The following RGS7 variants were observed in gnomAD, a reference collection of about 807,000 sequenced individuals.
RGS7 encodes regulator of G protein signaling 7, also known as regulator of G-protein signaling 7.
In RGS7, 27 loss-of-function variants were observed where a neutral mutation model predicts 81.1. That is an observed-to-expected ratio of 0.33 (90% CI 0.25 to 0.46). The LOEUF (loss-of-function observed/expected upper bound fraction) is 0.46, where lower values mean the gene tolerates loss of function less well. Among genes scored for constraint, RGS7 ranks in the 20% least tolerant of loss-of-function variants. The pLI, the probability that RGS7 is intolerant of heterozygous loss-of-function variation, is 1.00. For missense variants in RGS7, 396 were observed against 607.4 expected, an observed-to-expected ratio of 0.65 and a Z score of 3.66; for synonymous variants, 208 against 207.7, an observed-to-expected ratio of 1.00 and a Z score of -0.01.
chr1:241,101,469 C>A (rs1457429256), intron 2 of RGS7, among the ~76,000 whole-genome samples: 1 of 151,872 alleles, frequency 6.6e-6, no homozygotes, highest in Non-Finnish European at 1.5e-5. Context: ...GCCCTCCAGC[C>A]TGGGAGACAG....
intron 4 of RGS7, among the ~76,000 whole-genome samples, chr1:240,977,295 G>GC (rs1264343566): frequency 6.6e-6 from 1 of 152,030 alleles, no homozygotes; most frequent in Non-Finnish European, 1.5e-5. Flanking sequence ...AATCAAAGTA[G>GC]CCATTTTATT....
At chr1:241,050,873 C>T (rs960181447) in intron 3 of RGS7, among the ~76,000 whole-genome samples, 2 of 151,980 alleles carry the variant, frequency 1.3e-5, no homozygotes, top group African/African-American at 2.4e-5. Flanking sequence ...ATATAAAATA[C>T]GTGTCAATCA....
Position 240,868,909 on chromosome 1 carries a change from A to C in RGS7, c.451-57T>G. Reference sequence around the variant, plus strand: ...GTGTTCATTGTCACTGCTCTCTTCTAGCTTAGTTACCACTTGTATTTGTCA... The same window carrying C: ...GTGTTCATTGTCACTGCTCTCTTCTCGCTTAGTTACCACTTGTATTTGTCA... On this transcript the variant is annotated intron_variant, in intron 7 of 18. Transcript: ENST00000440928. This position sits in a 1 kb window ranked among gnomAD's most constrained non-coding sequence, Gnocchi z 5.1. 6.8e-7 allele frequency: 1 copy of C among 1,466,846 alleles called. No individual in the cohort carries two copies. Among genetic ancestry groups the C allele is most frequent in the Non-Finnish European group, 9.6e-7 (1 of 1,045,792 alleles). The allele number at this position is 1,466,846 out of a possible 1,614,324, so 90.9% of individuals were successfully genotyped here.
intron 13 of RGS7, among the ~76,000 whole-genome samples, chr1:240,812,442 T>TTC (rs1016774686): frequency 2.6e-5 from 4 of 151,220 alleles, no homozygotes; most frequent in African/African-American, 9.7e-5. Context: ...TTTTTCTTTT[T>TTC]TTTTTTTTTG....
At chr1:241,104,846 T>C (rs1400072429) in intron 2 of RGS7, among the ~76,000 whole-genome samples, 3 of 152,214 alleles carry the variant, frequency 2.0e-5, no homozygotes, top group East Asian at 3.8e-4. Context: ...CATCTTTGCA[T>C]TGTTAATATA....
At chr1:241,351,236 T>C (rs200983537) in intron 2 of RGS7, among the ~76,000 whole-genome samples, 6 of 151,284 alleles carry the variant, frequency 4.0e-5, no homozygotes, top group African/African-American at 1.5e-4. Flanking sequence ...CTGGGCAACA[T>C]AGTGAGACCC....
intron 2 of RGS7, among the ~76,000 whole-genome samples, chr1:241,150,143 T>G (rs562132861): frequency 6.6e-6 from 1 of 152,128 alleles, no homozygotes; most frequent in South Asian, 2.1e-4. Flanking sequence ...TGCAACGTAT[T>G]TGAGCAAAAA....
intron 2 of RGS7, among the ~76,000 whole-genome samples, chr1:241,317,928 A>G (rs1170801525): frequency 6.6e-6 from 1 of 152,116 alleles, no homozygotes; most frequent in African/African-American, 2.4e-5. Flanking sequence ...TTCTTCCGAG[A>G]TTTCCTTTCA....
chr1:240,788,018 T>G (rs572708352), intron 18 of RGS7, among the ~76,000 whole-genome samples: 1 of 152,150 alleles, frequency 6.6e-6, no homozygotes, highest in Non-Finnish European at 1.5e-5. Flanking sequence ...ATTGATGAAC[T>G]GGAACACATG....
intron 3 of RGS7, among the ~76,000 whole-genome samples, chr1:241,094,238 AACACACACACACACACACACAC>A (rs149481776): frequency 2.2e-5 from 3 of 136,382 alleles, no homozygotes; most frequent in Admixed American, 1.5e-4. Context: ...GACATACATA[AACACACACACACACACACACAC>A]ACACACACAC....
intron 13 of RGS7, among the ~76,000 whole-genome samples, chr1:240,812,522 C>T (rs958793609): frequency 6.6e-6 from 1 of 151,680 alleles, no homozygotes; most frequent in Non-Finnish European, 1.5e-5. Flanking sequence ...GCAACCTCCA[C>T]CTCCCGGGTT....
intron 18 of RGS7, among the ~76,000 whole-genome samples, chr1:240,795,345 A>G (rs1368560012): frequency 2.6e-5 from 4 of 152,204 alleles, no homozygotes; most frequent in African/African-American, 9.6e-5. Flanking sequence ...TCACTGACTG[A>G]AGACTAATTG....
chr1:241,039,177 T>A (rs1316934805), intron 3 of RGS7, among the ~76,000 whole-genome samples: 1 of 152,138 alleles, frequency 6.6e-6, no homozygotes, highest in African/African-American at 2.4e-5. Context: ...CCAGCAAGAA[T>A]CTGTAGTTGC....
chr1:240,831,526 T>C (rs1017569051), intron 9 of RGS7, among the ~76,000 whole-genome samples: 11 of 151,860 alleles, frequency 7.2e-5, no homozygotes, highest in Non-Finnish European at 1.5e-4. Context: ...AACTTCCTGA[T>C]ACAATAAAAA....
intron 2 of RGS7, among the ~76,000 whole-genome samples, chr1:241,218,379 G>A (rs1048970694): frequency 9.2e-5 from 14 of 152,202 alleles, no homozygotes; most frequent in Non-Finnish European, 1.5e-4. Flanking sequence ...TTGGGAAGGT[G>A]AGTGCATTTC....
chr1:240,863,057 A>AG (rs1662531774), intron 9 of RGS7, among the ~76,000 whole-genome samples: 1 of 152,008 alleles, frequency 6.6e-6, no homozygotes, highest in African/African-American at 2.4e-5. Context: ...GGCCGCAAGG[A>AG]ATCCTCTTAG....
rs748470687 is a variant in RGS7 at position 241,348,600 on chromosome 1, C to T, written c.78+7099G>A. Reference sequence around the variant, plus strand: ...GGCAAATTGTGTTACTTCTCTGATCCTAAATTTCATAATCTGCAAAATGAA... The same window carrying T: ...GGCAAATTGTGTTACTTCTCTGATCTTAAATTTCATAATCTGCAAAATGAA... On this transcript the variant is annotated intron_variant, in intron 2 of 18. Coordinates refer to ENST00000440928, the MANE Select transcript of RGS7 (RefSeq NM_001364886.1). Among the ~76,000 whole-genome samples the T allele has an allele frequency of 2.6e-5, 4 of 152,190 alleles. 1 individual carries two copies. Among genetic ancestry groups the T allele is most frequent in the Non-Finnish European group, 5.9e-5 (4 of 68,036 alleles).
intron 6 of RGS7, among the ~76,000 whole-genome samples, chr1:240,902,405 T>C (rs1670160787): frequency 6.6e-6 from 1 of 152,176 alleles, no homozygotes; most frequent in Non-Finnish European, 1.5e-5. Context: ...GCTACCATTG[T>C]TATTTCTCTT....
chr1:241,008,414 AC>A (rs1441464816), intron 3 of RGS7, among the ~76,000 whole-genome samples: 1 of 152,104 alleles, frequency 6.6e-6, no homozygotes, highest in Non-Finnish European at 1.5e-5. Context: ...GATTCAGTAA[AC>A]CTGGGTTGGG....
Sources: gnomAD v4.1 joint callset for allele counts (sites outside exome capture counted in the v4.1 genomes callset) on GRCh38, gnomAD v4.1.1 for gene constraint, Gnocchi (gnomAD v3.1) non-coding constraint, MANE v1.5 for transcripts, NCBI Gene and HGNC (gene_info 2026-07-23, HGNC 2026-07-21) for gene names.